The following CCDC171 variants were observed in gnomAD, a reference collection of about 807,000 sequenced individuals.
CCDC171 encodes the protein coiled-coil domain-containing protein 171.
A neutral mutation model predicts 168.2 loss-of-function variants in CCDC171; 177 were observed. The ratio of observed to expected loss-of-function variants is 1.05; its 90% CI spans 0.93 to 1.19. The LOEUF (loss-of-function observed/expected upper bound fraction) is 1.19. Ranked by LOEUF, CCDC171 falls within the 50% of genes most tolerant of loss-of-function variation. CCDC171 has a pLI of 0.00. For synonymous variants in CCDC171, 687 were observed against 540.8 expected (o/e 1.27, Z -3.75); for missense variants, 1,991 against 1,539.0 (o/e 1.29, Z -4.91).
At chr9:15,841,858 G>A (rs2060694499) in intron 21 of CCDC171, among the ~76,000 whole-genome samples, 1 of 151,692 alleles carries the variant, frequency 6.6e-6, no homozygotes, top group African/African-American at 2.4e-5. Context: ...TATAGTTTCT[G>A]TGACAACCTG....
the CCDC171 span, among the ~76,000 whole-genome samples, chr9:16,073,117 A>G: frequency 3.3e-5 from 5 of 152,348 alleles, no homozygotes; most frequent in East Asian, 7.7e-4. Flanking sequence ...GGAAGTATCA[A>G]TGGTTGCATA....
chr9:15,801,693 A>G (rs1049428821), intron 21 of CCDC171, among the ~76,000 whole-genome samples: 3 of 152,028 alleles, frequency 2.0e-5, no homozygotes, highest in Admixed American at 1.3e-4. Context: ...TGCCATATTC[A>G]GATCTTAGAG....
intron 9 of CCDC171, among the ~76,000 whole-genome samples, chr9:15,677,078 G>C (rs769537889): frequency 2.0e-5 from 3 of 152,064 alleles, no homozygotes; most frequent in South Asian, 4.1e-4. Context: ...CTAGGTTCTT[G>C]TCGAGCTCTT....
intron 11 of CCDC171, among the ~76,000 whole-genome samples, chr9:15,711,171 TTAAC>T (rs1471615419): frequency 6.6e-6 from 1 of 152,202 alleles, no homozygotes; most frequent in African/African-American, 2.4e-5. Context: ...AAATTTAATT[TTAAC>T]TAATTTAAAT....
chr9:15,781,601 C>T (rs2057671833), intron 20 of CCDC171, among the ~76,000 whole-genome samples: 1 of 151,976 alleles, frequency 6.6e-6, no homozygotes, highest in Non-Finnish European at 1.5e-5. Flanking sequence ...TTAGTAGAGA[C>T]AGGGTTTCAC....
At chr9:15,648,094 T>C (rs188261350) in intron 7 of CCDC171, among the ~76,000 whole-genome samples, 1 of 152,172 alleles carries the variant, frequency 6.6e-6, no homozygotes, top group African/African-American at 2.4e-5. Context: ...TGGTTCAACA[T>C]ACGCAAATCA....
intron 1 of CCDC171, among the ~76,000 whole-genome samples, chr9:16,058,443 A>G (rs1210561570): frequency 1.3e-5 from 2 of 152,284 alleles, no homozygotes; most frequent in South Asian, 2.1e-4. Context: ...GCCGGCGTGC[A>G]CAAGTCACCT....
chr9:15,618,919 G>A (rs1480532227), intron 6 of CCDC171, among the ~76,000 whole-genome samples: 1 of 151,982 alleles, frequency 6.6e-6, no homozygotes, highest in Non-Finnish European at 1.5e-5. Flanking sequence ...CGTTGGTCTC[G>A]CTGGGAGCTG....
intron 3 of CCDC171, 28 bp downstream of exon 3, chr9:15,571,787 G>C (rs780692107): frequency 1.3e-6 from 2 of 1,549,640 alleles, no homozygotes; most frequent in Non-Finnish European, 1.7e-6. Flanking sequence ...CTCAAATAAT[G>C]TTAAAAGTTG....
At chr9:15,692,266 A>C (rs2050855974) in intron 10 of CCDC171, among the ~76,000 whole-genome samples, 1 of 151,956 alleles carries the variant, frequency 6.6e-6, no homozygotes, top group Non-Finnish European at 1.5e-5. Context: ...CTCAGCTCTC[A>C]GGAGGCTGAG....
At chr9:15,629,862 G>A (rs190897073) in intron 7 of CCDC171, among the ~76,000 whole-genome samples, 1 of 152,138 alleles carries the variant, frequency 6.6e-6, no homozygotes, top group Non-Finnish European at 1.5e-5. Context: ...AAGAGAGTGG[G>A]GGCCAATATT....
At chr9:16,091,970 C>G in the CCDC171 span, among the ~76,000 whole-genome samples, 1 of 152,214 alleles carries the variant, frequency 6.6e-6, no homozygotes, top group African/African-American at 2.4e-5. Context: ...CTGGGCTCAG[C>G]TTGTTCCTCA....
chr9:15,797,904 C>T (rs976393205), intron 21 of CCDC171, among the ~76,000 whole-genome samples: 1 of 151,988 alleles, frequency 6.6e-6, no homozygotes, highest in Non-Finnish European at 1.5e-5. Context: ...GGTCCTTTTT[C>T]TATTGAATTA....
chr9:15,788,502 GAA>G (rs5896678), intron 21 of CCDC171, among the ~76,000 whole-genome samples: 4 of 150,398 alleles, frequency 2.7e-5, no homozygotes, highest in African/African-American at 4.9e-5. Flanking sequence ...TATGGATACA[GAA>G]AAAAAAAACA....
chr9:15,631,365 A>C (rs1038072877), intron 7 of CCDC171, among the ~76,000 whole-genome samples: 2 of 152,200 alleles, frequency 1.3e-5, no homozygotes, highest in African/African-American at 2.4e-5. Context: ...ACAGAAATAC[A>C]AACTACCATC....
chr9:15,574,300 G>A (rs2040463006), intron 3 of CCDC171, among the ~76,000 whole-genome samples: 1 of 151,984 alleles, frequency 6.6e-6, no homozygotes, highest in Non-Finnish European at 1.5e-5. Context: ...GCCTGCCACT[G>A]TGCCTGGCTA....
chr9:16,034,293 G>T (rs1368226468), intron 6 of CCDC171, among the ~76,000 whole-genome samples: 1 of 152,170 alleles, frequency 6.6e-6, no homozygotes, highest in Non-Finnish European at 1.5e-5. Flanking sequence ...ATGAAGAGAT[G>T]CAAAGATTTA....
rs571239540 is a variant in CCDC171 at position 15,753,451 on chromosome 9, G to T, written c.2671+7820G>T. On this transcript the variant is annotated intron_variant, in intron 18 of 25. Coordinates refer to ENST00000380701, the MANE Select transcript of CCDC171 (RefSeq NM_173550.4). Reference sequence around the variant, plus strand: ...AGGATATTTTCCATTATTCATATCGGAAGAGAGATGTATCATTGGCATGGG... The same window carrying T: ...AGGATATTTTCCATTATTCATATCGTAAGAGAGATGTATCATTGGCATGGG... 2.6e-3 allele frequency among the ~76,000 whole-genome samples: 398 copies of T among 152,272 alleles called. 2 individuals are homozygous for T. Among genetic ancestry groups the T allele is most frequent in the African/African-American group, 9.0e-3 (373 of 41,550 alleles).
chr9:15,968,899 A>C (rs1831074563), intron 25 of CCDC171, among the ~76,000 whole-genome samples: 1 of 152,140 alleles, frequency 6.6e-6, no homozygotes, highest in Admixed American at 6.5e-5. Context: ...TTTCATGAAA[A>C]AAGTTTTTTT....
Sources: allele counts gnomAD v4.1 joint callset (sites outside exome capture counted in the v4.1 genomes callset), GRCh38; gene constraint gnomAD v4.1.1; transcripts MANE v1.5; gene names NCBI Gene and HGNC (gene_info 2026-07-23, HGNC 2026-07-21).